Variants in APBA1 observed in about 807,000 individuals in gnomAD.
APBA1 encodes amyloid-beta A4 precursor protein-binding family A member 1.
Under a neutral mutation model 86.6 loss-of-function variants are expected in APBA1, and 55 were observed. The observed-to-expected ratio is 0.64, with a 90% CI of 0.51 to 0.80. The LOEUF (loss-of-function observed/expected upper bound fraction) is 0.80, where lower values mean the gene tolerates loss of function less well. APBA1 is among the 30% of genes least tolerant of loss of function. The pLI is 0.00. For synonymous variants in APBA1, 511 were observed against 493.9 expected (o/e 1.03, Z -0.46); for missense variants, 1,090 against 1,183.0 (o/e 0.92, Z 1.15).
chr9:69,446,104 G>C (rs763713247), intron 10 of APBA1, among the ~76,000 whole-genome samples: 1 of 152,210 alleles, frequency 6.6e-6, no homozygotes. Context: ...GCAGTGGCCC[G>C]AGGGGTGGGG....
chr9:69,645,390 C>T (rs1263073232), intron 1 of APBA1, among the ~76,000 whole-genome samples: 1 of 152,210 alleles, frequency 6.6e-6, no homozygotes, highest in East Asian at 1.9e-4. Flanking sequence ...CTCATAACAA[C>T]ATGACACAAG....
chr9:69,626,515 A>G (rs1297806185), intron 1 of APBA1, among the ~76,000 whole-genome samples: 4 of 152,226 alleles, frequency 2.6e-5, no homozygotes, highest in Non-Finnish European at 4.4e-5. Flanking sequence ...CATCGTGTGT[A>G]TCGCAATATA....
intron 2 of APBA1, among the ~76,000 whole-genome samples, chr9:69,504,642 A>T (rs1458287735): frequency 6.6e-6 from 1 of 152,046 alleles, no homozygotes; most frequent in Non-Finnish European, 1.5e-5. Flanking sequence ...TCAGAGAGGA[A>T]TACACTCATC....
At chr9:69,662,598 A>C (rs544368261) in intron 1 of APBA1, among the ~76,000 whole-genome samples, 1 of 152,358 alleles carries the variant, frequency 6.6e-6, no homozygotes, top group East Asian at 1.9e-4. Flanking sequence ...AATGATTCTT[A>C]TATTTTCAAG....
chr9:69,470,908 TG>T (rs1477190391), intron 4 of APBA1, among the ~76,000 whole-genome samples: 1 of 152,160 alleles, frequency 6.6e-6, no homozygotes, highest in Non-Finnish European at 1.5e-5. Flanking sequence ...TGGCCCCACC[TG>T]GCCTTAGAGT....
intron 1 of APBA1, among the ~76,000 whole-genome samples, chr9:69,603,157 CT>C (rs1453772422): frequency 6.6e-6 from 1 of 152,194 alleles, no homozygotes; most frequent in African/African-American, 2.4e-5. Context: ...ATTCACATGC[CT>C]TATGCCACAA....
At chr9:69,470,703 T>G (rs1167923117) in intron 4 of APBA1, among the ~76,000 whole-genome samples, 3 of 152,154 alleles carry the variant, frequency 2.0e-5, no homozygotes, top group Non-Finnish European at 4.4e-5. Flanking sequence ...AGACACACCC[T>G]CAGAGAGATG....
chr9:69,626,321 GTTGTTTGTTTGT>G (rs141774539), intron 1 of APBA1, among the ~76,000 whole-genome samples: 3 of 150,876 alleles, frequency 2.0e-5, no homozygotes, highest in East Asian at 1.9e-4. Context: ...TGTTGTTATT[GTTGTTTGTTTGT>G]TTGTTTGTTT....
chr9:69,556,556 G>A (rs980600185), intron 1 of APBA1, among the ~76,000 whole-genome samples: 1 of 152,178 alleles, frequency 6.6e-6, no homozygotes, highest in African/African-American at 2.4e-5. Context: ...GGGACCAATA[G>A]TTAGCACTTT....
chr9:69,434,174 G>A (rs760703790), intron 11 of APBA1, among the ~76,000 whole-genome samples: 19 of 152,222 alleles, frequency 1.2e-4, no homozygotes, highest in Non-Finnish European at 2.5e-4. Context: ...AGGCTTGGGA[G>A]TCAGCTGCTC....
At chr9:69,552,983 A>G (rs1836810631) in intron 1 of APBA1, among the ~76,000 whole-genome samples, 1 of 147,302 alleles carries the variant, frequency 6.8e-6, no homozygotes, top group East Asian at 2.0e-4. Flanking sequence ...AGATCATTGC[A>G]GCCTCAACCA....
chr9:69,495,374 G>T (rs1835778318), intron 2 of APBA1, among the ~76,000 whole-genome samples: 1 of 152,142 alleles, frequency 6.6e-6, no homozygotes, highest in Non-Finnish European at 1.5e-5. Flanking sequence ...ACATCCAGAA[G>T]TTCTCCATCT....
intron 1 of APBA1, among the ~76,000 whole-genome samples, chr9:69,559,175 G>A (rs1418292463): frequency 2.0e-5 from 3 of 152,136 alleles, no homozygotes; most frequent in Non-Finnish European, 2.9e-5. Context: ...ATTCTTTAGT[G>A]AGTATTAATA....
chr9:69,670,060 A>C (rs1369829363), intron 1 of APBA1, among the ~76,000 whole-genome samples: 8 of 152,230 alleles, frequency 5.3e-5, no homozygotes, highest in Admixed American at 5.2e-4. Context: ...AGAGTAAAGA[A>C]CTAAGATTCA....
At chr9:69,533,844 C>G (rs1304312797) in intron 1 of APBA1, among the ~76,000 whole-genome samples, 1 of 152,090 alleles carries the variant, frequency 6.6e-6, no homozygotes, top group Non-Finnish European at 1.5e-5. Flanking sequence ...GAGAAGAAAA[C>G]CAAGGAGTGG....
At chr9:69,562,399 A>G (rs1222224758) in intron 1 of APBA1, among the ~76,000 whole-genome samples, 1 of 150,358 alleles carries the variant, frequency 6.7e-6, no homozygotes, top group East Asian at 1.9e-4. Context: ...TTTTGACATG[A>G]AGTCTCCCTC....
At chr9:69,528,419 T>C (rs907583057) in intron 1 of APBA1, among the ~76,000 whole-genome samples, 3 of 152,036 alleles carry the variant, frequency 2.0e-5, no homozygotes, top group Non-Finnish European at 4.4e-5. Context: ...TCCAATAAAA[T>C]ACATGAAATA....
chr9:69,645,996 T>C (rs189141091), intron 1 of APBA1, among the ~76,000 whole-genome samples: 103 of 152,358 alleles, frequency 6.8e-4, no homozygotes, highest in African/African-American at 2.3e-3. Flanking sequence ...TTGTTTTACT[T>C]TAAATATCAC....
intron 1 of APBA1, among the ~76,000 whole-genome samples, chr9:69,530,211 A>G (rs1257731072): frequency 2.6e-5 from 4 of 152,078 alleles, no homozygotes; most frequent in Middle Eastern, 3.4e-3. Flanking sequence ...ATGCACTTAT[A>G]TGTTCATTGC....
Sources: allele counts gnomAD v4.1 joint callset (sites outside exome capture counted in the v4.1 genomes callset), GRCh38; gene constraint gnomAD v4.1.1; transcripts MANE v1.5; gene names NCBI Gene and HGNC (gene_info 2026-07-23, HGNC 2026-07-21).